Variants in ARL13B observed in about 807,000 individuals in gnomAD.
ARL13B encodes the protein ARF like GTPase 13B.
ARL13B carries 36 observed loss-of-function variants against 56.1 expected under a neutral mutation model. That is an observed-to-expected ratio of 0.64 (90% confidence interval 0.49 to 0.85). The LOEUF (loss-of-function observed/expected upper bound fraction) is 0.85, where lower values mean the gene tolerates loss of function less well. Among genes scored for constraint, ARL13B ranks in the 40% least tolerant of loss-of-function variants. The pLI is 0.00. For synonymous variants in ARL13B, 178 were observed against 171.1 expected, an observed-to-expected ratio of 1.04 and a Z score of -0.32; for missense variants, 519 against 507.1, an observed-to-expected ratio of 1.02 and a Z score of -0.23.
At chr3:93,996,935 T>G (rs1172529023) in intron 2 of ARL13B, among the ~76,000 whole-genome samples, 1 of 152,064 alleles carries the variant, frequency 6.6e-6, no homozygotes, top group Admixed American at 6.6e-5. Context: ...TGCCTGAACA[T>G]TGCCCCCTGT....
At chr3:94,005,874 G>T (rs571808641) in intron 3 of ARL13B, among the ~76,000 whole-genome samples, 1 of 152,226 alleles carries the variant, frequency 6.6e-6, no homozygotes, top group Non-Finnish European at 1.5e-5. Context: ...TTTAATAGTT[G>T]TGCATATGTG....
chr3:94,002,868 A>G (rs778299478), intron 2 of ARL13B, among the ~76,000 whole-genome samples: 2 of 152,142 alleles, frequency 1.3e-5, no homozygotes, highest in African/African-American at 4.8e-5. Context: ...ATTTGTTCAT[A>G]TTCCTTTACT....
chr3:94,055,077 TTAAA>T lies in ARL13B; in HGVS notation c.*1817_*1820del. On this transcript the variant is annotated 3_prime_UTR_variant, in exon 10 of 10. Coordinates refer to ENST00000394222, the MANE Select transcript of ARL13B (RefSeq NM_001174150.2). ...TTAATAAAAATAAATGATTTTGAAA[TTAAA>T]TATAATATAGAATTCACATTTTATA... 2.7e-6 allele frequency: 1 copy of T among 365,118 alleles called. No homozygotes were observed. Among genetic ancestry groups the T allele is most frequent in the Non-Finnish European group, 5.3e-6 (1 of 189,698 alleles). 22.6% of individuals were successfully genotyped at this position (365,118 alleles called of 1,614,324 possible). A position where few individuals can be genotyped will look rare whatever the true frequency, so the allele number is the denominator to read the frequency against.
At chr3:93,988,868 TA>T in intron 1 of ARL13B, 1 of 381,602 alleles carries the variant, frequency 2.6e-6, no homozygotes, top group Non-Finnish European at 5.2e-6. Context: ...GGAGCAGGTT[TA>T]GCTGACAAGT....
chr3:94,000,826 T>G (rs1436508745), intron 2 of ARL13B, among the ~76,000 whole-genome samples: 1 of 152,202 alleles, frequency 6.6e-6, no homozygotes, highest in Non-Finnish European at 1.5e-5. Flanking sequence ...CCACATATAC[T>G]CTACTGAAAT....
At chr3:94,045,780 T>C (rs1349087733) in intron 7 of ARL13B, among the ~76,000 whole-genome samples, 6 of 150,080 alleles carry the variant, frequency 4.0e-5, no homozygotes, top group Non-Finnish European at 5.9e-5. Flanking sequence ...AGAGACCCCG[T>C]CTCTACTAAA....
At position 94,053,581 on chromosome 3, in the gene ARL13B, A is replaced by C; in HGVS notation, c.*318A>C. On this transcript the variant is annotated 3_prime_UTR_variant, in exon 10 of 10. Coordinates refer to ENST00000394222, the MANE Select transcript of ARL13B (RefSeq NM_001174150.2). ...AAGGAAAACTTTACAAAAAGAGCCA[A>C]TGGACTCAGCACTTTCTTTACTATT... 2.0e-6 allele frequency: 1 copy of C among 512,426 alleles called. No homozygotes were observed. The highest frequency in any genetic ancestry group is 3.8e-6 in the Non-Finnish European group (1 of 265,934). 31.7% of individuals were successfully genotyped at this position (512,426 alleles called of 1,614,324 possible).
At chr3:94,028,861 G>A (rs2076610221) in intron 3 of ARL13B, among the ~76,000 whole-genome samples, 1 of 152,022 alleles carries the variant, frequency 6.6e-6, no homozygotes, top group South Asian at 2.1e-4. Flanking sequence ...AATTAAATAG[G>A]AATGAAAAGA....
chr3:93,993,368 C>A (rs1048972516), intron 1 of ARL13B, among the ~76,000 whole-genome samples: 2 of 152,076 alleles, frequency 1.3e-5, no homozygotes, highest in South Asian at 4.1e-4. Context: ...TCAAAGTGAT[C>A]TGCCCACCTC....
Position 94,036,763 on chromosome 3 carries a change from A to G in ARL13B, c.689+9A>G. The stretch of plus-strand genomic sequence containing the variant: ...AAATTACGAGAAGAAAGGTAAGTAG[A>G]TTAATTTTGTACCACAGTGCATTTG... On this transcript the variant is annotated intron_variant, in intron 5 of 9. Coordinates refer to ENST00000394222, the MANE Select transcript of ARL13B (RefSeq NM_001174150.2). The G allele has an allele frequency of 6.2e-7, 1 of 1,603,736 alleles. No homozygotes were observed. The highest frequency in any genetic ancestry group is 8.5e-7 in the Non-Finnish European group (1 of 1,174,758).
intron 3 of ARL13B, among the ~76,000 whole-genome samples, chr3:94,031,750 A>G (rs2076680330): frequency 6.6e-6 from 1 of 152,346 alleles, no homozygotes; most frequent in South Asian, 2.1e-4. Flanking sequence ...ACCTTAAATT[A>G]TACTACAAGG....
intron 6 of ARL13B, among the ~76,000 whole-genome samples, 200 bp downstream of exon 6, chr3:94,040,188 G>A (rs537509658): frequency 7.5e-4 from 114 of 152,252 alleles, no homozygotes; most frequent in African/African-American, 2.7e-3. Context: ...AATCTAGTGT[G>A]AAAGGGGGAA....
At chr3:93,999,983 C>A (rs1404611878) in intron 2 of ARL13B, among the ~76,000 whole-genome samples, 1 of 152,210 alleles carries the variant, frequency 6.6e-6, no homozygotes, top group Admixed American at 6.5e-5. Flanking sequence ...AGGTAGTTCA[C>A]TACAAAATGT....
At chr3:94,043,805 G>A (rs1193272673) in intron 7 of ARL13B, among the ~76,000 whole-genome samples, 16 of 145,228 alleles carry the variant, frequency 1.1e-4, no homozygotes, top group East Asian at 4.2e-4. Flanking sequence ...TTCCAGGCAC[G>A]CGCCGCCACT....
intron 3 of ARL13B, among the ~76,000 whole-genome samples, chr3:94,018,789 C>T (rs1167485511): frequency 1.3e-5 from 2 of 151,954 alleles, no homozygotes; most frequent in South Asian, 2.1e-4. Flanking sequence ...TTTTTGAGAC[C>T]GAGTCTCACT....
At chr3:94,021,950 T>TCTA (rs1267220335) in intron 3 of ARL13B, among the ~76,000 whole-genome samples, 2 of 152,076 alleles carry the variant, frequency 1.3e-5, no homozygotes, top group Admixed American at 6.6e-5. Flanking sequence ...TGTCAAGGCT[T>TCTA]CTAAAGATAT....
chr3:94,005,659 G>A lies in ARL13B; in HGVS notation c.380+1751G>A, dbSNP rs181319025. Among the ~76,000 whole-genome samples, 169 of 152,310 alleles carry A rather than the reference G, an allele frequency of 1.1e-3. 1 individual carries two copies. The highest frequency in any genetic ancestry group is 3.8e-3 in the African/African-American group (156 of 41,566). ...AAGATATAAGAATTAATTATGGACA[G>A]TGTAATATGTTTATGAAATATAGAA... is the stretch of plus-strand genomic sequence containing the variant. On this transcript the variant is annotated intron_variant, in intron 3 of 9. Transcript: ENST00000394222.
At chr3:94,043,375 T>G in intron 7 of ARL13B, 135 bp downstream of exon 7, 1 of 829,422 alleles carries the variant, frequency 1.2e-6, no homozygotes, top group Non-Finnish European at 1.9e-6. Flanking sequence ...ATATTTACCA[T>G]GATTTTCTCA....
At chr3:94,042,652 T>C (rs928016162) in intron 6 of ARL13B, among the ~76,000 whole-genome samples, 1 of 152,082 alleles carries the variant, frequency 6.6e-6, no homozygotes, top group Admixed American at 6.6e-5. Flanking sequence ...TTATGTATGT[T>C]TCTGGGTGAT....
Sources: gnomAD v4.1 joint callset for allele counts (sites outside exome capture counted in the v4.1 genomes callset) on GRCh38, gnomAD v4.1.1 for gene constraint, MANE v1.5 for transcripts, NCBI Gene and HGNC (gene_info 2026-07-23, HGNC 2026-07-21) for gene names.